RBFOX2: variants seen among roughly 807,000 people sequenced by gnomAD.
The protein encoded by RBFOX2 is RNA binding fox-1 homolog 2.
A neutral mutation model predicts 49.1 loss-of-function variants in RBFOX2; 10 were observed. The observed-to-expected ratio is 0.20, with a 90% CI of 0.13 to 0.35. The LOEUF is 0.35. RBFOX2 is among the 10% of genes least tolerant of loss of function. The pLI, the probability that RBFOX2 is intolerant of heterozygous loss-of-function variation, is 1.00. For missense variants in RBFOX2, 323 were observed against 486.9 expected, an observed-to-expected ratio of 0.66 and a Z score of 3.17; for synonymous variants, 183 against 187.4, an observed-to-expected ratio of 0.98 and a Z score of 0.19.
intron 1 of RBFOX2, chr22:35,995,711 G>C (rs574378510): frequency 8.5e-4 from 133 of 155,948 alleles, no homozygotes; most frequent in Non-Finnish European, 3.7e-4. Context: ...TGCCATGATT[G>C]TAAGTTTCCT....
intron 2 of RBFOX2, among the ~76,000 whole-genome samples, chr22:35,782,941 C>T (rs1013817580): frequency 1.3e-5 from 2 of 152,076 alleles, no homozygotes; most frequent in African/African-American, 4.8e-5. Context: ...CACATGCACA[C>T]AAGAATCACA....
intron 1 of RBFOX2, among the ~76,000 whole-genome samples, chr22:36,012,344 A>C (rs910754979): frequency 2.0e-5 from 3 of 152,130 alleles, no homozygotes; most frequent in Non-Finnish European, 2.9e-5. Flanking sequence ...AGGCTTAGAG[A>C]GGTATATTTT....
chr22:35,818,448 T>C (rs1050776139), intron 1 of RBFOX2, among the ~76,000 whole-genome samples: 2 of 152,208 alleles, frequency 1.3e-5, no homozygotes, highest in Non-Finnish European at 2.9e-5. Context: ...TTTGTCATCA[T>C]GGACAATTAA....
intron 4 of RBFOX2, 40 bp downstream of exon 5, chr22:35,777,985 A>C: frequency 6.4e-7 from 1 of 1,555,892 alleles, no homozygotes. Context: ...ATAAAACTCA[A>C]AAAGAAATCA....
intron 1 of RBFOX2, among the ~76,000 whole-genome samples, chr22:35,925,890 A>C (rs1569493319): frequency 6.6e-6 from 1 of 152,328 alleles, no homozygotes; most frequent in African/African-American, 2.4e-5. Flanking sequence ...GTTTAAATGC[A>C]TGATTACATA....
intron 2 of RBFOX2, among the ~76,000 whole-genome samples, chr22:35,798,864 A>G (rs1270947346): frequency 6.6e-6 from 1 of 152,210 alleles, no homozygotes; most frequent in African/African-American, 2.4e-5. Flanking sequence ...ATGTCTCCTA[A>G]GTAAATGATT....
At chr22:35,894,616 G>T (rs2047617659) in intron 1 of RBFOX2, among the ~76,000 whole-genome samples, 1 of 151,996 alleles carries the variant, frequency 6.6e-6, no homozygotes, top group Admixed American at 6.6e-5. Context: ...AGTCTGACAA[G>T]ATAAACAACA....
At chr22:35,968,114 C>CA (rs200696741) in intron 1 of RBFOX2, among the ~76,000 whole-genome samples, 13 of 149,504 alleles carry the variant, frequency 8.7e-5, no homozygotes, top group East Asian at 3.9e-4. Flanking sequence ...AAAAGGTTAC[C>CA]AAAAAAAAAG....
upstream of RBFOX2, among the ~76,000 whole-genome samples, chr22:35,940,130 T>G (rs1387421611): frequency 2.0e-5 from 3 of 152,192 alleles, no homozygotes; most frequent in African/African-American, 7.2e-5. Flanking sequence ...AGATATTTGA[T>G]AGTCAAAAGC....
chr22:35,879,720 T>C (rs529439994), intron 1 of RBFOX2, among the ~76,000 whole-genome samples: 2 of 152,316 alleles, frequency 1.3e-5, no homozygotes, highest in Admixed American at 1.3e-4. Flanking sequence ...CATGATCAGA[T>C]TTATATTTTC....
At chr22:35,860,905 C>T (rs1235336823) in intron 1 of RBFOX2, among the ~76,000 whole-genome samples, 1 of 152,142 alleles carries the variant, frequency 6.6e-6, no homozygotes, top group Non-Finnish European at 1.5e-5. Flanking sequence ...GTACTGAAAT[C>T]GAATGCTATA....
chr22:35,853,658 C>CGTGTGTGTGT (rs36048607), intron 1 of RBFOX2, among the ~76,000 whole-genome samples: 83 of 141,136 alleles, frequency 5.9e-4, no homozygotes, highest in East Asian at 3.4e-3. Context: ...TATATACACA[C>CGTGTGTGTGT]GTGTGTGTGT....
At chr22:35,750,282 A>C (rs1934411416) in intron 9 of RBFOX2, 5 of 564,936 alleles carry the variant, frequency 8.9e-6, no homozygotes, top group South Asian at 6.1e-5. Flanking sequence ...AACAAACAAA[A>C]AAAGAGGAGA....
intron 2 of RBFOX2, among the ~76,000 whole-genome samples, chr22:35,803,547 T>C (rs536459688): frequency 6.6e-6 from 1 of 152,184 alleles, no homozygotes; most frequent in South Asian, 2.1e-4. Context: ...TTTGGTTGCA[T>C]GTGCCTGTAG....
At chr22:35,934,315 A>T (rs534395870) in intron 1 of RBFOX2, among the ~76,000 whole-genome samples, 3 of 152,272 alleles carry the variant, frequency 2.0e-5, no homozygotes, top group African/African-American at 7.2e-5. Flanking sequence ...TGTTTAAATT[A>T]AAAATGCTCT....
intron 1 of RBFOX2, chr22:35,898,381 C>T: frequency 3.3e-6 from 2 of 605,520 alleles, no homozygotes; most frequent in South Asian, 3.5e-5. Context: ...CCCAGACAAC[C>T]CGGGATTGTG....
At chr22:35,810,739 T>C (rs541104503) in intron 1 of RBFOX2, among the ~76,000 whole-genome samples, 1 of 152,326 alleles carries the variant, frequency 6.6e-6, no homozygotes, top group East Asian at 1.9e-4. Context: ...ACAGCACTTA[T>C]TTATTTACAG....
chr22:35,799,368 G>A (rs1419401385), intron 2 of RBFOX2, among the ~76,000 whole-genome samples: 1 of 152,156 alleles, frequency 6.6e-6, no homozygotes. Flanking sequence ...TACCTCTTTT[G>A]CTAATGCACA....
intron 9 of RBFOX2, 36 bp from the exon 11 acceptor site, chr22:35,756,180 A>G: frequency 6.7e-7 from 1 of 1,485,762 alleles, no homozygotes; most frequent in Non-Finnish European, 9.0e-7. Flanking sequence ...AAACAAAAAA[A>G]ACAAAAGAAC....
Sources: allele counts gnomAD v4.1 joint callset (sites outside exome capture counted in the v4.1 genomes callset), GRCh38; gene constraint gnomAD v4.1.1; transcripts MANE v1.5; gene names NCBI Gene and HGNC (gene_info 2026-07-23, HGNC 2026-07-21).